ATP8B4: variants seen among roughly 807,000 people sequenced by gnomAD.
ATP8B4 encodes the protein ATPase phospholipid transporting 8B4 (putative), also known as probable phospholipid-transporting ATPase IM.
ATP8B4 carries 133 observed loss-of-function variants against 145.6 expected under a neutral mutation model. That is an observed-to-expected ratio of 0.91 (90% CI 0.79 to 1.05). ATP8B4 has a LOEUF of 1.05. ATP8B4 is among the 50% of genes least tolerant of loss of function. The pLI is 0.00. For missense variants in ATP8B4, 1,458 were observed against 1,425.2 expected (o/e 1.02, Z -0.37); for synonymous variants, 507 against 492.9 (o/e 1.03, Z -0.38).
At chr15:50,017,545 T>A (rs2049185143) in intron 6 of ATP8B4, among the ~76,000 whole-genome samples, 1 of 152,218 alleles carries the variant, frequency 6.6e-6, no homozygotes, top group African/African-American at 2.4e-5. Flanking sequence ...AAAACCTGGA[T>A]ATCTTAGTTC....
chr15:50,006,672 T>C (rs2048327495), intron 7 of ATP8B4, among the ~76,000 whole-genome samples: 1 of 152,170 alleles, frequency 6.6e-6, no homozygotes, highest in Admixed American at 6.5e-5. Context: ...TGTCAATTCC[T>C]CTATCAGAAG....
rs553006347 is a variant in ATP8B4 at position 50,104,267 on chromosome 15, A to G, written c.28+2672T>C. On this transcript the variant is annotated intron_variant, in intron 2 of 27. Coordinates refer to ENST00000284509, the MANE Select transcript of ATP8B4 (RefSeq NM_024837.4). ...TAAACTAAAAAGCTTCTGCACAGCA[A>G]AAGAAATAATCAGCCAATAGACAAC... Among the ~76,000 whole-genome samples the G allele has an allele frequency of 9.8e-5, 15 of 152,356 alleles. No homozygotes were observed. In the South Asian group the frequency reaches 3.1e-3, roughly 32 times the overall value.
chr15:50,013,879 G>C (rs1400068444), intron 6 of ATP8B4, among the ~76,000 whole-genome samples: 1 of 152,144 alleles, frequency 6.6e-6, no homozygotes, highest in African/African-American at 2.4e-5. Flanking sequence ...CATACTAAGA[G>C]CTGCTAGACT....
chr15:49,920,402 T>C lies in ATP8B4; in HGVS notation c.1767A>G (p.Ala589=), dbSNP rs773916890. The C allele has an allele frequency of 1.9e-6, 3 of 1,612,138 alleles. No individual in the cohort carries two copies. The South Asian group carries it at 3.3e-5, about 18-fold the overall frequency. The change falls in exon 18 of 28, where the codon GCA becomes GCG. Residue 589 remains alanine, a synonymous_variant. Transcript: ENST00000284509. ...SLTSDHLSEF[A]GEGLRTLAIA... is the part of the protein sequence containing the mutation. ...TGGCCAAGGTCCGAAGGCCTTCCCC[T>C]GCAAATTCCTGCCAGAGATGACATA...
At chr15:49,938,465 A>G (rs553707643) in intron 14 of ATP8B4, among the ~76,000 whole-genome samples, 1 of 152,264 alleles carries the variant, frequency 6.6e-6, no homozygotes, top group East Asian at 1.9e-4. Flanking sequence ...CTATTCTTCT[A>G]ACAGATGAAA....
intron 1 of ATP8B4, among the ~76,000 whole-genome samples, chr15:50,140,494 C>T (rs1419206134): frequency 1.3e-5 from 2 of 152,148 alleles, no homozygotes; most frequent in Non-Finnish European, 2.9e-5. Flanking sequence ...GATTACCTCC[C>T]AGAGTAGTTA....
At chr15:49,924,411 C>T (rs2040527333) in intron 16 of ATP8B4, among the ~76,000 whole-genome samples, 1 of 152,172 alleles carries the variant, frequency 6.6e-6, no homozygotes, top group African/African-American at 2.4e-5. Context: ...AATCTGAATA[C>T]TCTTGCCCTC....
intron 9 of ATP8B4, 148 bp downstream of exon 9, chr15:49,996,529 C>A (rs992902839): frequency 1.5e-5 from 9 of 592,156 alleles, no homozygotes; most frequent in African/African-American, 1.1e-4. Context: ...CTCTTTTTAG[C>A]GTGCGAAGAA....
intron 1 of ATP8B4, among the ~76,000 whole-genome samples, chr15:50,156,124 ATT>A (rs1371956994): frequency 1.6e-4 from 3 of 18,950 alleles, no homozygotes; most frequent in South Asian, 1.9e-3. Flanking sequence ...ATATAAATAT[ATT>A]TATATATATA....
Position 50,074,177 on chromosome 15 carries a change from G to A in ATP8B4, c.37C>T (p.Arg13Trp), listed in dbSNP as rs774338131. ...CSEKKLREVE[R>W]IVKANDREYN... ...TCACGGTCATTGGCTTTCACTATCC[G>A]TTCCACTTCTAAAGAGAGAGAAATC... Residue 13 changes from arginine (R) to tryptophan (W), a missense_variant, in exon 3 of 28, where the codon CGG becomes TGG. Arg to Trp is a moderately radical substitution (Grantham distance 101). Transcript: ENST00000284509. 3.5e-5 allele frequency: 56 copies of A among 1,611,342 alleles called. No homozygotes were observed. The highest frequency in any genetic ancestry group is 9.9e-5 in the South Asian group (9 of 90,890).
chr15:49,916,882 T>TC, intron 20 of ATP8B4, 52 bp downstream of exon 20: 1 of 1,507,070 alleles, frequency 6.6e-7, no homozygotes, highest in Non-Finnish European at 9.2e-7. Flanking sequence ...TGATCTTTTT[T>TC]CCCTCCCTCC....
chr15:50,003,196 T>TG (rs1226680975), intron 7 of ATP8B4, among the ~76,000 whole-genome samples: 2 of 152,026 alleles, frequency 1.3e-5, no homozygotes, highest in Non-Finnish European at 2.9e-5. Context: ...TCTTGAATCT[T>TG]GGGGGTTAAA....
At chr15:50,096,928 G>C (rs573562245) in intron 2 of ATP8B4, among the ~76,000 whole-genome samples, 32 of 152,256 alleles carry the variant, frequency 2.1e-4, no homozygotes, top group African/African-American at 7.7e-4. Flanking sequence ...AGCCAGCACT[G>C]TCTTATGTAT....
chr15:49,931,308 C>T lies in ATP8B4; in HGVS notation c.1454-1G>A. 1.2e-6 allele frequency: 2 copies of T among 1,610,942 alleles called. No individual in the cohort carries two copies. The highest frequency in any genetic ancestry group is 1.7e-6 in the Non-Finnish European group (2 of 1,178,314). ...GACTGAACTTGGTAAATCAGCTCTC[C>T]TAAAAGGTAAAGAAACAAGTGTATC... is the stretch of plus-strand genomic sequence containing the variant. On this transcript the variant is annotated splice_acceptor_variant, in intron 15 of 27. Coordinates refer to ENST00000284509, the MANE Select transcript of ATP8B4 (RefSeq NM_024837.4). LOFTEE classifies it high-confidence loss of function.
At chr15:49,915,372 G>A (rs894982519) in intron 20 of ATP8B4, among the ~76,000 whole-genome samples, 1 of 152,046 alleles carries the variant, frequency 6.6e-6, no homozygotes, top group Admixed American at 6.6e-5. Flanking sequence ...TTAGATGGAA[G>A]GAATAAATTA....
At chr15:49,872,540 G>T (rs1437974262) in intron 25 of ATP8B4, among the ~76,000 whole-genome samples, 4 of 152,108 alleles carry the variant, frequency 2.6e-5, no homozygotes, top group Non-Finnish European at 5.9e-5. Flanking sequence ...AAATCATGTT[G>T]CTATCATGTG....
intron 2 of ATP8B4, among the ~76,000 whole-genome samples, chr15:50,089,321 T>C (rs2055434290): frequency 6.6e-6 from 1 of 152,158 alleles, no homozygotes; most frequent in South Asian, 2.1e-4. Context: ...CAAAATAAAC[T>C]ATCATCAGAG....
chr15:49,984,691 G>C (rs2046435194), intron 10 of ATP8B4, among the ~76,000 whole-genome samples: 1 of 152,008 alleles, frequency 6.6e-6, no homozygotes, highest in African/African-American at 2.4e-5. Flanking sequence ...GGATCCCCGA[G>C]ACAAAGCCCA....
intron 13 of ATP8B4, among the ~76,000 whole-genome samples, chr15:49,964,481 A>C (rs1160121540): frequency 1.3e-5 from 2 of 152,224 alleles, no homozygotes; most frequent in Non-Finnish European, 2.9e-5. Flanking sequence ...GATAAATTAA[A>C]GTCAAATGTT....
Sources: allele counts gnomAD v4.1 joint callset (sites outside exome capture counted in the v4.1 genomes callset), GRCh38; gene constraint gnomAD v4.1.1; transcripts MANE v1.5; gene names NCBI Gene and HGNC (gene_info 2026-07-23, HGNC 2026-07-21).